DNAH7: variants seen among roughly 807,000 people sequenced by gnomAD.
The protein encoded by DNAH7 is dynein axonemal heavy chain 7, also known as axonemal beta dynein heavy chain 7.
Under a neutral mutation model 444.6 loss-of-function variants are expected in DNAH7, and 397 were observed. The ratio of observed to expected loss-of-function variants is 0.89; its 90% CI spans 0.82 to 0.97. DNAH7 has a LOEUF of 0.97. Ranked by LOEUF, DNAH7 falls within the 50% of genes least tolerant of loss-of-function variation. The pLI is 0.00. For synonymous variants in DNAH7, 1,636 were observed against 1,624.4 expected (o/e 1.01, Z -0.17); for missense variants, 4,902 against 4,800.8 (o/e 1.02, Z -0.62).
At chr2:195,870,785 G>A (rs1378162087) in intron 40 of DNAH7, among the ~76,000 whole-genome samples, 1 of 152,158 alleles carries the variant, frequency 6.6e-6, no homozygotes, top group Admixed American at 6.5e-5. Flanking sequence ...ATCTGCCAGT[G>A]CCTTGATCTT....
chr2:195,756,932 C>T (rs1455506355), intron 61 of DNAH7, among the ~76,000 whole-genome samples: 1 of 151,424 alleles, frequency 6.6e-6, no homozygotes, highest in African/African-American at 2.4e-5. Context: ...GTCGAGGCTG[C>T]AGTGAGCCAA....
chr2:196,023,585 G>T (rs940547807), intron 8 of DNAH7, among the ~76,000 whole-genome samples: 10 of 152,178 alleles, frequency 6.6e-5, no homozygotes, highest in African/African-American at 2.4e-4. Context: ...CTTTGCTCTG[G>T]ATTAGGCTCT....
intron 40 of DNAH7, among the ~76,000 whole-genome samples, chr2:195,865,288 G>C (rs557722810): frequency 2.6e-5 from 4 of 152,274 alleles, no homozygotes; most frequent in African/African-American, 9.6e-5. Flanking sequence ...ATGTAGAGAT[G>C]CTAAGAGAAT....
At chr2:195,944,248 T>C (rs1452521085) in intron 19 of DNAH7, among the ~76,000 whole-genome samples, 1 of 152,144 alleles carries the variant, frequency 6.6e-6, no homozygotes, top group Non-Finnish European at 1.5e-5. Context: ...GGCACAAACA[T>C]CTGCAAGCAA....
chr2:195,880,841 AG>A (rs1701333042), intron 36 of DNAH7, among the ~76,000 whole-genome samples: 1 of 152,204 alleles, frequency 6.6e-6, no homozygotes, highest in Admixed American at 6.5e-5. Context: ...TTTTATGCCT[AG>A]GCACTTTATT....
chr2:195,960,104 G>T (rs1394143210), intron 18 of DNAH7, among the ~76,000 whole-genome samples, 156 bp downstream of exon 18: 1 of 152,056 alleles, frequency 6.6e-6, no homozygotes, highest in Non-Finnish European at 1.5e-5. Flanking sequence ...TATTTAGTAT[G>T]AAATGCTAAG....
intron 15 of DNAH7, among the ~76,000 whole-genome samples, chr2:195,981,245 T>C (rs1250047199): frequency 1.3e-5 from 2 of 152,030 alleles, no homozygotes; most frequent in Non-Finnish European, 2.9e-5. Context: ...TCATTTACAA[T>C]AGCCATAAAT....
chr2:195,881,954 T>C lies in DNAH7; in HGVS notation c.5802A>G (p.Lys1934=), dbSNP rs1392448392. ...CATCTTTAGGAATTGGAGGAGCTTC[T>C]TTCAATTTCTTTATCCATGGTTCCC... The part of the protein sequence containing the change: ...GKWEPWIKKL[K]EAPPIPKDVM... Residue 1934 remains lysine, a synonymous_variant, in exon 36 of 65, where the codon AAA becomes AAG. Coordinates refer to ENST00000312428, the MANE Select transcript of DNAH7 (RefSeq NM_018897.3). The C allele has an allele frequency of 3.7e-6, 6 of 1,613,954 alleles. No individual in the cohort carries two copies. The highest frequency in any genetic ancestry group is 5.1e-6 in the Non-Finnish European group (6 of 1,179,886).
chr2:195,978,308 T>A (rs1692336849), intron 15 of DNAH7, among the ~76,000 whole-genome samples: 1 of 152,128 alleles, frequency 6.6e-6, no homozygotes, highest in African/African-American at 2.4e-5. Flanking sequence ...CTTATTTGTT[T>A]ATGCAATCAG....
chr2:196,058,638 G>C (rs1049522227), intron 1 of DNAH7, among the ~76,000 whole-genome samples: 4 of 152,102 alleles, frequency 2.6e-5, no homozygotes, highest in Middle Eastern at 3.4e-3. Context: ...TTTAACAAAA[G>C]TGTAAGACCT....
At chr2:195,850,553 T>A (rs1208869668) in intron 46 of DNAH7, among the ~76,000 whole-genome samples, 1 of 152,212 alleles carries the variant, frequency 6.6e-6, no homozygotes, top group Non-Finnish European at 1.5e-5. Flanking sequence ...GATTTTCCTA[T>A]GTTTTATTTA....
rs1696005438 is a variant in DNAH7 at position 195,793,777 on chromosome 2, C to A, written c.10716+561G>T. Among the ~76,000 whole-genome samples, 3 of 152,106 alleles carry A rather than the reference C, an allele frequency of 2.0e-5. No homozygotes were observed. In the South Asian group the frequency reaches 6.2e-4, roughly 32 times the overall value. Reference sequence around the variant, plus strand: ...AACCCCTCTTAAAAAGAAACTCTTCCATTTTTAATTATGGCAAAACGCTGT... The same window carrying A: ...AACCCCTCTTAAAAAGAAACTCTTCAATTTTTAATTATGGCAAAACGCTGT... On this transcript the variant is annotated intron_variant, in intron 57 of 64. Transcript: ENST00000312428.
intron 35 of DNAH7, among the ~76,000 whole-genome samples, chr2:195,882,312 A>C (rs1000861118): frequency 3.9e-5 from 6 of 152,200 alleles, no homozygotes; most frequent in Non-Finnish European, 5.9e-5. Context: ...AATCAAACTA[A>C]CCAATAGGCT....
intron 27 of DNAH7, chr2:195,904,385 A>G (rs16841838): frequency 0.097 from 14,849 of 152,418 alleles, 841 homozygotes; most frequent in African/African-American, 0.15. Flanking sequence ...AGAAAATAGC[A>G]TGTAGAAAGG....
intron 12 of DNAH7, among the ~76,000 whole-genome samples, chr2:195,989,252 A>C (rs936449591): frequency 1.3e-5 from 2 of 152,160 alleles, no homozygotes; most frequent in African/African-American, 4.8e-5. Flanking sequence ...CAATTTTTTG[A>C]GGAACCTCCT....
chr2:195,778,661 T>TACACACACACACACAC (rs1559089787), intron 58 of DNAH7, among the ~76,000 whole-genome samples: 22 of 97,746 alleles, frequency 2.3e-4, no homozygotes, highest in African/African-American at 8.9e-4. Context: ...TATATATATA[T>TACACACACACACACAC]ATATATATAC....
intron 15 of DNAH7, among the ~76,000 whole-genome samples, chr2:195,984,006 G>A (rs943724462): frequency 5.3e-5 from 8 of 152,272 alleles, no homozygotes; most frequent in African/African-American, 1.9e-4. Flanking sequence ...CAGTATCCAT[G>A]CCCTGTAGGG....
chr2:195,840,852 T>C (rs1698641613), intron 47 of DNAH7, among the ~76,000 whole-genome samples: 1 of 151,800 alleles, frequency 6.6e-6, no homozygotes, highest in African/African-American at 2.4e-5. Flanking sequence ...ATATACTAAG[T>C]TGTCAATTCT....
chr2:196,060,116 G>A (rs1698055329), intron 1 of DNAH7, among the ~76,000 whole-genome samples: 1 of 152,116 alleles, frequency 6.6e-6, no homozygotes. Context: ...TACTCAGGAG[G>A]CTGAGGCAGG....
Sources: allele counts gnomAD v4.1 joint callset (sites outside exome capture counted in the v4.1 genomes callset), GRCh38; gene constraint gnomAD v4.1.1; transcripts MANE v1.5; gene names NCBI Gene and HGNC (gene_info 2026-07-23, HGNC 2026-07-21).